Variants in GLI3 observed in about 807,000 individuals in gnomAD.
The protein encoded by GLI3 is GLI family zinc finger 3, also known as transcription activator GLI3.
A neutral mutation model predicts 100.8 loss-of-function variants in GLI3; 20 were observed. The ratio of observed to expected loss-of-function variants is 0.20; its 90% CI spans 0.14 to 0.29. The LOEUF is 0.29. Among genes scored for constraint, GLI3 ranks in the 10% least tolerant of loss-of-function variants. The pLI is 1.00. For synonymous variants in GLI3, 938 were observed against 860.5 expected (o/e 1.09, Z -1.58); for missense variants, 2,040 against 2,128.5 (o/e 0.96, Z 0.82).
In GLI3 at chr7:42,195,742, G is replaced by T. The variant is rs556028290; in HGVS notation, c.124+27388C>A. Among the ~76,000 whole-genome samples, 26 of 152,212 alleles carry T rather than the reference G, an allele frequency of 1.7e-4. No homozygotes were observed. In the South Asian group the frequency reaches 5.4e-3, roughly 32 times the overall value. On this transcript the variant is annotated intron_variant, in intron 2 of 14. Transcript: ENST00000395925. ...ATTATTTGTTTAATTCACTCCCTCA[G>T]TACTTAGCACAGTATTGGCACATAG...
At chr7:42,130,008 G>A (rs984575088) in intron 3 of GLI3, among the ~76,000 whole-genome samples, 2 of 152,102 alleles carry the variant, frequency 1.3e-5, no homozygotes, top group African/African-American at 4.8e-5. Flanking sequence ...GGATTTTGAA[G>A]CCCTGTTTCC....
Position 42,024,078 on chromosome 7 carries a change from A to AAATG in GLI3, c.1357-474_1357-471dup, listed in dbSNP as rs548757764. 3.7e-4 allele frequency among the ~76,000 whole-genome samples: 57 copies of AAATG among 152,262 alleles called. 1 individual carries two copies. Among genetic ancestry groups the AAATG allele is most frequent in the African/African-American group, 1.2e-3 (51 of 41,556 alleles). On this transcript the variant is annotated intron_variant, in intron 9 of 14. Coordinates refer to ENST00000395925, the MANE Select transcript of GLI3 (RefSeq NM_000168.6). The stretch of plus-strand genomic sequence containing the variant: ...TATTCTTATATTTTGTAATCCAGGG[A>AAATG]AATGGTTTACTAGTACTTCTAATGC...
At chr7:42,032,555 A>C (rs1789323019) in intron 7 of GLI3, among the ~76,000 whole-genome samples, 1 of 152,216 alleles carries the variant, frequency 6.6e-6, no homozygotes, top group African/African-American at 2.4e-5. Context: ...AATGGATAAA[A>C]CCCAATTAAA....
intron 3 of GLI3, among the ~76,000 whole-genome samples, chr7:42,093,088 A>G (rs1049428860): frequency 6.7e-6 from 1 of 150,194 alleles, no homozygotes; most frequent in African/African-American, 2.4e-5. Flanking sequence ...TGCTGGGATT[A>G]CAGGCATGAG....
chr7:42,028,866 C>T (rs574505936), intron 7 of GLI3, among the ~76,000 whole-genome samples: 4 of 151,994 alleles, frequency 2.6e-5, no homozygotes, highest in East Asian at 3.9e-4. Context: ...GCATTCCCAC[C>T]GCAGTTTCCT....
intron 3 of GLI3, among the ~76,000 whole-genome samples, chr7:42,091,493 C>T (rs542561342): frequency 1.3e-5 from 2 of 152,346 alleles, no homozygotes; most frequent in East Asian, 3.9e-4. Context: ...ATCAACCCCA[C>T]GACGATGCTC....
intron 2 of GLI3, among the ~76,000 whole-genome samples, chr7:42,219,527 T>A (rs1788441199): frequency 6.6e-6 from 1 of 152,210 alleles, no homozygotes; most frequent in African/African-American, 2.4e-5. Flanking sequence ...TGTTCAAGTT[T>A]TCTGAACTGT....
intron 1 of GLI3, among the ~76,000 whole-genome samples, chr7:42,226,747 C>T (rs1788588704): frequency 6.6e-6 from 1 of 152,162 alleles, no homozygotes; most frequent in Admixed American, 6.5e-5. Context: ...ATTATATCAG[C>T]TTATTTTACA....
chr7:42,066,543 G>A (rs1048064262), intron 4 of GLI3, among the ~76,000 whole-genome samples: 2 of 152,198 alleles, frequency 1.3e-5, no homozygotes, highest in Non-Finnish European at 2.9e-5. Flanking sequence ...GCCTTTGGAA[G>A]TGTACCCACC....
chr7:42,128,015 ACT>A (rs940455077), intron 3 of GLI3, among the ~76,000 whole-genome samples: 5 of 131,824 alleles, frequency 3.8e-5, no homozygotes, highest in African/African-American at 1.3e-4. Context: ...CAAGACCCTG[ACT>A]CAAAAAAAAA....
At chr7:42,217,063 C>T (rs1013493303) in intron 2 of GLI3, among the ~76,000 whole-genome samples, 35 of 152,182 alleles carry the variant, frequency 2.3e-4, no homozygotes, top group African/African-American at 6.5e-4. Flanking sequence ...AAGTCCCATG[C>T]GTGACAAGAG....
chr7:42,079,664 T>C (rs1784958928), intron 3 of GLI3, among the ~76,000 whole-genome samples: 3 of 152,354 alleles, frequency 2.0e-5, no homozygotes, highest in South Asian at 4.1e-4. Flanking sequence ...CACCAGTTTA[T>C]GCGGCTGTTT....
chr7:42,002,542 C>A (rs17707510), intron 10 of GLI3, among the ~76,000 whole-genome samples: 9,484 of 152,202 alleles, frequency 0.062, 426 homozygotes, highest in Non-Finnish European at 0.096. Flanking sequence ...ATTTGAACAT[C>A]ATTAGGAATC....
intron 7 of GLI3, among the ~76,000 whole-genome samples, chr7:42,032,906 C>T (rs846333): frequency 3.3e-5 from 5 of 151,970 alleles, no homozygotes; most frequent in Non-Finnish European, 5.9e-5. Context: ...CCTTCCCTAA[C>T]ATAACAGCTT....
At chr7:41,989,384 G>A (rs984549449) in intron 10 of GLI3, among the ~76,000 whole-genome samples, 11 of 152,156 alleles carry the variant, frequency 7.2e-5, no homozygotes, top group Non-Finnish European at 1.6e-4. Context: ...AGCCCCAAAG[G>A]AGGTGCAGTT....
intron 1 of GLI3, among the ~76,000 whole-genome samples, chr7:42,224,346 C>T (rs1007252983): frequency 3.3e-5 from 5 of 152,194 alleles, no homozygotes; most frequent in Non-Finnish European, 5.9e-5. Context: ...TAAGCAACTG[C>T]TTGACCAACT....
At chr7:42,005,027 CACA>C (rs768091516) in intron 10 of GLI3, among the ~76,000 whole-genome samples, 17 of 152,092 alleles carry the variant, frequency 1.1e-4, no homozygotes, top group Admixed American at 8.5e-4. Context: ...GTAAATTACA[CACA>C]ACGATTCAGT....
At chr7:42,091,515 C>T (rs1335500890) in intron 3 of GLI3, among the ~76,000 whole-genome samples, 3 of 152,256 alleles carry the variant, frequency 2.0e-5, no homozygotes, top group African/African-American at 7.2e-5. Flanking sequence ...CTTGCTGCCA[C>T]TGGGGCCTGC....
intron 3 of GLI3, among the ~76,000 whole-genome samples, chr7:42,123,186 C>A (rs759630405): frequency 6.6e-6 from 1 of 152,176 alleles, no homozygotes; most frequent in Non-Finnish European, 1.5e-5. Flanking sequence ...CAGGCCAACA[C>A]TTTTTTCACC....
Sources: allele counts gnomAD v4.1 joint callset (sites outside exome capture counted in the v4.1 genomes callset), GRCh38; gene constraint gnomAD v4.1.1; transcripts MANE v1.5; gene names NCBI Gene and HGNC (gene_info 2026-07-23, HGNC 2026-07-21).